Variants in AKAP19 observed in about 807,000 individuals in gnomAD.
AKAP19 encodes the protein small A-kinase anchoring protein.
the AKAP19 span, among the ~76,000 whole-genome samples, chr2:189,898,013 G>T: frequency 1.3e-5 from 2 of 151,986 alleles, no homozygotes; most frequent in African/African-American, 4.8e-5. Flanking sequence ...TTTGAGACCA[G>T]CCAGGGCAAC....
At chr2:190,048,972 A>C in the AKAP19 span, among the ~76,000 whole-genome samples, 31 of 152,308 alleles carry the variant, frequency 2.0e-4, no homozygotes, top group African/African-American at 7.2e-4. Flanking sequence ...TATAAGATGC[A>C]TTTTGGAATA....
At chr2:190,126,127 C>T in the AKAP19 span, among the ~76,000 whole-genome samples, 3 of 150,758 alleles carry the variant, frequency 2.0e-5, no homozygotes, top group Middle Eastern at 3.4e-3. Context: ...CCTGTCTCTA[C>T]TAAAATACAA....
At chr2:190,008,107 T>C in the AKAP19 span, among the ~76,000 whole-genome samples, 3 of 152,354 alleles carry the variant, frequency 2.0e-5, no homozygotes, top group South Asian at 4.1e-4. Context: ...CAGTAAAGTT[T>C]ACTGGTACCG....
At chr2:190,196,371 C>A in the AKAP19 span, among the ~76,000 whole-genome samples, 1 of 152,080 alleles carries the variant, frequency 6.6e-6, no homozygotes, top group African/African-American at 2.4e-5. Context: ...ACATCTTGTA[C>A]ATTTCAGTTA....
the AKAP19 span, among the ~76,000 whole-genome samples, chr2:190,001,772 T>C: frequency 1.3e-5 from 2 of 152,170 alleles, no homozygotes; most frequent in Non-Finnish European, 2.9e-5. Context: ...ACAGGACCCT[T>C]TTAGTCTCCT....
At chr2:190,037,557 G>C in the AKAP19 span, among the ~76,000 whole-genome samples, 4 of 152,208 alleles carry the variant, frequency 2.6e-5, no homozygotes, top group African/African-American at 9.7e-5. Flanking sequence ...TCCATAGCCA[G>C]GGTAGGAGTA....
the AKAP19 span, among the ~76,000 whole-genome samples, chr2:189,947,483 A>T: frequency 6.6e-6 from 1 of 152,150 alleles, no homozygotes; most frequent in Non-Finnish European, 1.5e-5. Flanking sequence ...TAAAATATTT[A>T]ATGAAAAGGC....
the AKAP19 span, among the ~76,000 whole-genome samples, chr2:190,110,339 C>T: frequency 6.6e-6 from 1 of 152,186 alleles, no homozygotes; most frequent in East Asian, 1.9e-4. Context: ...CCAAGCCTCC[C>T]CATTGCATCA....
the AKAP19 span, among the ~76,000 whole-genome samples, chr2:189,939,083 G>A: frequency 1.3e-5 from 2 of 152,176 alleles, no homozygotes; most frequent in Non-Finnish European, 2.9e-5. Context: ...CATTGGGAGT[G>A]TGTGAAGGAA....
the AKAP19 span, among the ~76,000 whole-genome samples, chr2:190,038,941 T>TTCTTCTTCTTCTTCTTCTTCC: frequency 4.9e-5 from 7 of 143,984 alleles, no homozygotes; most frequent in African/African-American, 1.7e-4. Flanking sequence ...CTTCTTCTTC[T>TTCTTCTTCTTCTTCTTCTTCC]TCTTCTTCTT....
the AKAP19 span, among the ~76,000 whole-genome samples, chr2:190,048,933 A>G: frequency 6.6e-6 from 1 of 152,310 alleles, no homozygotes; most frequent in Admixed American, 6.5e-5. Flanking sequence ...AAAAGTAAAT[A>G]ACTAAATCAT....
chr2:189,957,085 G>A, the AKAP19 span, among the ~76,000 whole-genome samples: 1 of 152,142 alleles, frequency 6.6e-6, no homozygotes, highest in Non-Finnish European at 1.5e-5. Context: ...CTGAGGAGGA[G>A]AGTTGCTTAA....
chr2:190,147,432 T>G, the AKAP19 span, among the ~76,000 whole-genome samples: 2 of 152,196 alleles, frequency 1.3e-5, no homozygotes, highest in African/African-American at 4.8e-5. Flanking sequence ...AATCAGGTAG[T>G]GTGATGCCTC....
the AKAP19 span, among the ~76,000 whole-genome samples, chr2:190,048,280 A>G: frequency 1.3e-5 from 2 of 152,214 alleles, no homozygotes; most frequent in South Asian, 2.1e-4. Flanking sequence ...CTATGACGGC[A>G]TGTAACAGTA....
the AKAP19 span, among the ~76,000 whole-genome samples, chr2:190,049,458 A>T: frequency 2.3e-3 from 346 of 152,326 alleles, 5 homozygotes; most frequent in Non-Finnish European, 1.2e-3. Flanking sequence ...ACAGAGTGCA[A>T]ATTGTATTGA....
At chr2:189,971,298 A>G in the AKAP19 span, among the ~76,000 whole-genome samples, 1 of 152,108 alleles carries the variant, frequency 6.6e-6, no homozygotes, top group African/African-American at 2.4e-5. Flanking sequence ...CCATGTCCCT[A>G]CAAAGTACAT....
chr2:189,940,223 G>A, the AKAP19 span, among the ~76,000 whole-genome samples: 1 of 150,918 alleles, frequency 6.6e-6, no homozygotes, highest in Non-Finnish European at 1.5e-5. Flanking sequence ...AGTTTGCAGT[G>A]AGCCGAGATT....
the AKAP19 span, among the ~76,000 whole-genome samples, chr2:189,945,455 A>G: frequency 6.6e-6 from 1 of 152,206 alleles, no homozygotes; most frequent in South Asian, 2.1e-4. Context: ...TGACAGCTTA[A>G]TTACAACTTC....
the AKAP19 span, among the ~76,000 whole-genome samples, chr2:189,922,635 G>A: frequency 6.6e-6 from 1 of 152,214 alleles, no homozygotes; most frequent in Non-Finnish European, 1.5e-5. Flanking sequence ...GTTCCCAGCT[G>A]AGGTTGAACA....
Sources: gnomAD v4.1 joint callset for allele counts (sites outside exome capture counted in the v4.1 genomes callset) on GRCh38, gnomAD v4.1.1 for gene constraint, MANE v1.5 for transcripts, NCBI Gene and HGNC (gene_info 2026-07-23, HGNC 2026-07-21) for gene names.